PHKB: variants seen among roughly 807,000 people sequenced by gnomAD.
The protein encoded by PHKB is phosphorylase b kinase regulatory subunit beta.
In PHKB, 122 loss-of-function variants were observed where a neutral mutation model predicts 152.1. The observed-to-expected ratio is 0.80, with a 90% CI of 0.69 to 0.93. PHKB has a LOEUF of 0.93. PHKB is among the 40% of genes least tolerant of loss of function. The pLI, the probability that PHKB is intolerant of heterozygous loss-of-function variation, is 0.00. For synonymous variants in PHKB, 436 were observed against 464.9 expected (o/e 0.94, Z 0.80); for missense variants, 1,304 against 1,328.4 (o/e 0.98, Z 0.29).
chr16:47,566,756 C>G, intron 7 of PHKB: 1 of 751,138 alleles, frequency 1.3e-6, no homozygotes, highest in Non-Finnish European at 2.5e-6. Flanking sequence ...TATCTCCTTC[C>G]AGGTCATCTG....
chr16:47,576,918 T>C (rs1302301012), intron 7 of PHKB, among the ~76,000 whole-genome samples: 2 of 152,094 alleles, frequency 1.3e-5, no homozygotes, highest in Admixed American at 6.5e-5. Context: ...TTTCTTTCAA[T>C]TGGTGTATTT....
intron 9 of PHKB, among the ~76,000 whole-genome samples, chr16:47,588,032 C>A (rs918082838): frequency 6.6e-6 from 1 of 151,930 alleles, no homozygotes; most frequent in Non-Finnish European, 1.5e-5. Context: ...CAACATTAGG[C>A]CAAGGTGAAT....
intron 20 of PHKB, among the ~76,000 whole-genome samples, chr16:47,655,511 G>C (rs1210163449): frequency 6.6e-6 from 1 of 152,110 alleles, no homozygotes; most frequent in African/African-American, 2.4e-5. Context: ...CATTTGAAGA[G>C]TCATAGACAA....
chr16:47,539,093 A>T (rs186844817), intron 6 of PHKB, among the ~76,000 whole-genome samples: 1 of 152,316 alleles, frequency 6.6e-6, no homozygotes, highest in Admixed American at 6.5e-5. Flanking sequence ...AAATAAAGGA[A>T]CGTTATTAAC....
chr16:47,590,523 A>G (rs1287715720), intron 10 of PHKB: 1 of 152,208 alleles, frequency 6.6e-6, no homozygotes. Flanking sequence ...GGTTGGGCCA[A>G]AAGATCCATT....
At position 47,551,945 on chromosome 16, in the gene PHKB, T is replaced by C. The variant is rs147416024; in HGVS notation, c.710+4397T>C. On this transcript the variant is annotated intron_variant, in intron 7 of 30. Transcript: ENST00000323584. ...AGGATAGTTAGCTCTTCTTGTTGCA[T>C]TGATCACTTTACCATTATGTAATGG... 8.6e-3 allele frequency among the ~76,000 whole-genome samples: 1,312 copies of C among 152,354 alleles called. 19 individuals are homozygous for C. Among genetic ancestry groups the C allele is most frequent in the African/African-American group, 0.03 (1,230 of 41,574 alleles).
At position 47,487,511 on chromosome 16, in the gene PHKB, G is replaced by T. The variant is rs1970070464; in HGVS notation, c.77-9888G>T. The stretch of plus-strand genomic sequence containing the variant: ...TTACATGGGAAAATTGTGTGTTGCA[G>T]GGGTTTGGTGTACAGATTATTTCAT... On this transcript the variant is annotated intron_variant, in intron 1 of 30. Coordinates refer to ENST00000323584, the MANE Select transcript of PHKB (RefSeq NM_000293.3). 1.3e-5 allele frequency among the ~76,000 whole-genome samples: 2 copies of T among 152,156 alleles called. 1 individual carries two copies. Among genetic ancestry groups the T allele is most frequent in the Non-Finnish European group, 2.9e-5 (2 of 68,004 alleles).
At chr16:47,611,010 G>A (rs1972418011) in intron 14 of PHKB, 90 bp downstream of exon 14, 1 of 788,840 alleles carries the variant, frequency 1.3e-6, no homozygotes, top group Non-Finnish European at 2.3e-6. Flanking sequence ...ATAGGTTTTT[G>A]TTGTTCCTTC....
chr16:47,511,676 T>G lies in PHKB; in HGVS notation c.417T>G (p.Phe139Leu), dbSNP rs966174255. 1.2e-6 allele frequency: 2 copies of G among 1,608,416 alleles called. No homozygotes were observed. Among genetic ancestry groups the G allele is most frequent in the Non-Finnish European group, 8.5e-7 (1 of 1,174,876 alleles). ...ATATTTCATTCTAGGTCCAGCAGTT[T>G]AAGCAGGATCCACGCCCAACAACAT... ...YMRQADKVQQ[F>L]KQDPRPTTCL... Residue 139 changes from phenylalanine to leucine, a missense_variant, in exon 5 of 31, where the codon TTT becomes TTG. Coordinates refer to ENST00000323584, the MANE Select transcript of PHKB (RefSeq NM_000293.3).
chr16:47,511,589 A>G lies in PHKB; in HGVS notation c.406-76A>G, dbSNP rs1007637300. The G allele has an allele frequency of 3.9e-5, 43 of 1,089,438 alleles. No individual in the cohort carries two copies. The Admixed American group carries it at 7.3e-4, about 19-fold the overall frequency. The allele number at this position is 1,089,438 out of a possible 1,614,324, so 67.5% of individuals were successfully genotyped here. On this transcript the variant is annotated intron_variant, in intron 4 of 30. Coordinates refer to ENST00000323584, the MANE Select transcript of PHKB (RefSeq NM_000293.3). The stretch of plus-strand genomic sequence containing the variant: ...GCTTTGTTCATTAAAAAGTTTCATG[A>G]AAAATAGCTTTTAATCTATAGTCTT...
chr16:47,461,541 C>T (rs1378191637), intron 1 of PHKB, 115 bp downstream of exon 1: 4 of 1,067,218 alleles, frequency 3.7e-6, no homozygotes, highest in South Asian at 1.3e-5. Flanking sequence ...CCCCGAGTTC[C>T]TCCTTAGAAA....
At chr16:47,598,699 G>A in intron 13 of PHKB, 2 of 1,564,222 alleles carry the variant, frequency 1.3e-6, no homozygotes, top group Non-Finnish European at 8.8e-7. Flanking sequence ...TTCCACTAAT[G>A]GCGCCCATGG....
chr16:47,655,278 C>T (rs554119793), intron 20 of PHKB, among the ~76,000 whole-genome samples: 2 of 152,194 alleles, frequency 1.3e-5, no homozygotes, highest in South Asian at 2.1e-4. Context: ...CACCTCACAT[C>T]GTACACCAAA....
At chr16:47,680,748 G>A (rs1250327723) in intron 26 of PHKB, among the ~76,000 whole-genome samples, 1 of 152,066 alleles carries the variant, frequency 6.6e-6, no homozygotes, top group African/African-American at 2.4e-5. Context: ...TTTTTGAAGG[G>A]TTTTTTGTGT....
At position 47,613,881 on chromosome 16, in the gene PHKB, C is replaced by T. The variant is rs375935223; in HGVS notation, c.1458+2961C>T. Among the ~76,000 whole-genome samples the T allele has an allele frequency of 2.6e-5, 4 of 152,170 alleles. No homozygotes were observed. The East Asian group carries it at 5.8e-4, about 22-fold the overall frequency. ...ACTGTACCTAACCTTTTGGGATTGGCTTTTTTTCACTCAACATAATTTCCA... is the reference window on the plus strand; with the variant it reads ...ACTGTACCTAACCTTTTGGGATTGGTTTTTTTTCACTCAACATAATTTCCA... On this transcript the variant is annotated intron_variant, in intron 14 of 30. Transcript: ENST00000323584.
At chr16:47,471,750 A>G (rs946526486) in intron 1 of PHKB, among the ~76,000 whole-genome samples, 2 of 152,356 alleles carry the variant, frequency 1.3e-5, no homozygotes, top group East Asian at 3.9e-4. Flanking sequence ...AAGTGAGTTT[A>G]TTGAATCAGA....
chr16:47,535,050 T>G lies in PHKB; in HGVS notation c.595-12383T>G, dbSNP rs539574416. ...GAAGTAAATCAAGGTTACGCAAAGC[T>G]TTGTTGTTCCTGAGCAGTTACTCAC... is the stretch of plus-strand genomic sequence containing the variant. On this transcript the variant is annotated intron_variant, in intron 6 of 30. Coordinates refer to ENST00000323584, the MANE Select transcript of PHKB (RefSeq NM_000293.3). Among the ~76,000 whole-genome samples the G allele has an allele frequency of 2.6e-5, 4 of 152,330 alleles. No individual in the cohort carries two copies. The South Asian group carries it at 8.3e-4, about 32-fold the overall frequency.
intron 6 of PHKB, among the ~76,000 whole-genome samples, chr16:47,541,193 G>A (rs1971051324): frequency 6.6e-6 from 1 of 152,036 alleles, no homozygotes; most frequent in African/African-American, 2.4e-5. Context: ...TCCCCACCCT[G>A]TGTCCAAGTG....
chr16:47,474,911 G>T (rs1222625629), intron 1 of PHKB, among the ~76,000 whole-genome samples: 1 of 151,834 alleles, frequency 6.6e-6, no homozygotes, highest in Non-Finnish European at 1.5e-5. Context: ...TTTAATACAG[G>T]CAGGGTTTCA....
Sources: gnomAD v4.1 joint callset for allele counts (sites outside exome capture counted in the v4.1 genomes callset) on GRCh38, gnomAD v4.1.1 for gene constraint, MANE v1.5 for transcripts, NCBI Gene and HGNC (gene_info 2026-07-23, HGNC 2026-07-21) for gene names.